Variants in PDSS2 observed in about 807,000 individuals in gnomAD.
The protein encoded by PDSS2 is decaprenyl diphosphate synthase subunit 2.
Under a neutral mutation model 44.5 loss-of-function variants are expected in PDSS2, and 31 were observed. The observed-to-expected ratio is 0.70, with a 90% confidence interval of 0.52 to 0.94. The LOEUF (loss-of-function observed/expected upper bound fraction) is 0.94. Among genes scored for constraint, PDSS2 ranks in the 40% least tolerant of loss-of-function variants. The pLI is 0.00. For missense variants in PDSS2, 452 were observed against 482.2 expected (o/e 0.94, Z 0.59); for synonymous variants, 157 against 180.3 (o/e 0.87, Z 1.03).
chr6:107,265,207 G>T (rs1387273124), intron 3 of PDSS2, among the ~76,000 whole-genome samples: 1 of 152,098 alleles, frequency 6.6e-6, no homozygotes, highest in Non-Finnish European at 1.5e-5. Flanking sequence ...AAAAGCCAAA[G>T]GGAAAATAAT....
chr6:107,458,963 T>C (rs1160801081), intron 1 of PDSS2, 27 bp downstream of exon 1: 2 of 1,605,686 alleles, frequency 1.2e-6, no homozygotes, highest in African/African-American at 2.7e-5. Context: ...TGAGTGCGAG[T>C]GTGTCAGCGG....
chr6:107,386,905 T>C (rs756814274), intron 1 of PDSS2, among the ~76,000 whole-genome samples: 1 of 152,078 alleles, frequency 6.6e-6, no homozygotes, highest in Non-Finnish European at 1.5e-5. Flanking sequence ...ACCACAGAAG[T>C]CCAAAGCTAG....
intron 7 of PDSS2, among the ~76,000 whole-genome samples, chr6:107,174,601 C>T (rs1174020865): frequency 1.3e-5 from 2 of 152,134 alleles, no homozygotes; most frequent in Non-Finnish European, 2.9e-5. Context: ...AAAGGAAAAG[C>T]TACAGTTTTC....
chr6:107,283,581 G>A (rs1456077113), intron 2 of PDSS2, among the ~76,000 whole-genome samples: 2 of 151,642 alleles, frequency 1.3e-5, no homozygotes, highest in Non-Finnish European at 2.9e-5. Flanking sequence ...TTAGCTGGGC[G>A]TGGTGTTGCA....
At chr6:107,375,002 A>G (rs779033434) in intron 1 of PDSS2, among the ~76,000 whole-genome samples, 3 of 152,112 alleles carry the variant, frequency 2.0e-5, no homozygotes, top group Non-Finnish European at 4.4e-5. Context: ...CACATAATCC[A>G]TGGGACAAAG....
At chr6:107,371,454 A>T (rs1779126704) in intron 1 of PDSS2, among the ~76,000 whole-genome samples, 2 of 152,324 alleles carry the variant, frequency 1.3e-5, no homozygotes, top group Non-Finnish European at 2.9e-5. Context: ...GACAGTCTCA[A>T]GTGGCAACTT....
intron 4 of PDSS2, among the ~76,000 whole-genome samples, chr6:107,222,553 G>T (rs1249223542): frequency 2.6e-5 from 4 of 151,644 alleles, no homozygotes; most frequent in Non-Finnish European, 5.9e-5. Flanking sequence ...TACTCAGGAG[G>T]CTGAGGCAGG....
intron 1 of PDSS2, among the ~76,000 whole-genome samples, chr6:107,454,298 T>G (rs1266343089): frequency 6.6e-6 from 1 of 152,134 alleles, no homozygotes; most frequent in Non-Finnish European, 1.5e-5. Context: ...TCTGCCTACC[T>G]TGGCCTCCCA....
At chr6:107,291,360 T>C (rs921347922) in intron 2 of PDSS2, among the ~76,000 whole-genome samples, 2 of 151,012 alleles carry the variant, frequency 1.3e-5, no homozygotes, top group Non-Finnish European at 2.9e-5. Context: ...TTTTTTTTTT[T>C]TTTTTGAGAC....
chr6:107,315,391 T>C (rs1198510237), intron 2 of PDSS2, among the ~76,000 whole-genome samples: 2 of 152,194 alleles, frequency 1.3e-5, no homozygotes, highest in Non-Finnish European at 2.9e-5. Flanking sequence ...TTTGAAGAGA[T>C]TTCTAAAGTC....
At chr6:107,291,381 T>A (rs934113307) in intron 2 of PDSS2, among the ~76,000 whole-genome samples, 1 of 151,046 alleles carries the variant, frequency 6.6e-6, no homozygotes, top group Non-Finnish European at 1.5e-5. Flanking sequence ...AGGGTCTCAC[T>A]CTATCACCCA....
chr6:107,174,697 T>C (rs1054779984), intron 7 of PDSS2, among the ~76,000 whole-genome samples: 8 of 152,074 alleles, frequency 5.3e-5, no homozygotes, highest in Admixed American at 3.3e-4. Context: ...CAAGAGTCTA[T>C]AGGAAAAAAA....
At chr6:107,161,944 T>C (rs1196274659) in intron 7 of PDSS2, among the ~76,000 whole-genome samples, 1 of 152,200 alleles carries the variant, frequency 6.6e-6, no homozygotes, top group African/African-American at 2.4e-5. Flanking sequence ...ATTAGTTCTC[T>C]TGGGGGACAA....
In PDSS2 at chr6:107,284,779, G is replaced by A. The variant is rs938574238; in HGVS notation, c.432-10552C>T. Among the ~76,000 whole-genome samples the A allele has an allele frequency of 4.6e-5, 7 of 151,748 alleles. No homozygotes were observed. In the East Asian group the frequency reaches 7.7e-4, roughly 17 times the overall value. On this transcript the variant is annotated intron_variant, in intron 2 of 7. Coordinates refer to ENST00000369037, the MANE Select transcript of PDSS2 (RefSeq NM_020381.4). ...ATGTCACTTCATCTGAATATTCTTCGAAAACACTATTTTAAAAAGTGCCTA... is the reference window on the plus strand; with the variant it reads ...ATGTCACTTCATCTGAATATTCTTCAAAAACACTATTTTAAAAAGTGCCTA...
At chr6:107,190,222 TA>T (rs1183553280) in intron 7 of PDSS2, among the ~76,000 whole-genome samples, 2 of 152,216 alleles carry the variant, frequency 1.3e-5, no homozygotes, top group African/African-American at 4.8e-5. Context: ...ACTAGTTTAC[TA>T]CAACCTTCCT....
intron 4 of PDSS2, among the ~76,000 whole-genome samples, chr6:107,220,589 A>T (rs920838590): frequency 8.4e-6 from 1 of 119,256 alleles, no homozygotes; most frequent in Non-Finnish European, 1.9e-5. Context: ...GATCTCTAAA[A>T]TCAAAGATTC....
chr6:107,349,550 A>G (rs1582975147), intron 1 of PDSS2, among the ~76,000 whole-genome samples: 1 of 152,072 alleles, frequency 6.6e-6, no homozygotes, highest in East Asian at 1.9e-4. Context: ...GGAGTTCGAG[A>G]TCAGCCTGGC....
rs140407097 is a variant in PDSS2 at position 107,458,355 on chromosome 6, G to A, written c.296+635C>T. Among the ~76,000 whole-genome samples the A allele has an allele frequency of 9.4e-3, 1,308 of 139,494 alleles. 49 individuals carry two copies. In the East Asian group the frequency reaches 0.12, roughly 13 times the overall value. The allele number at this position is 139,494 out of a possible 152,430, so 91.5% of individuals were successfully genotyped here. On this transcript the variant is annotated intron_variant, in intron 1 of 7. Coordinates refer to ENST00000369037, the MANE Select transcript of PDSS2 (RefSeq NM_020381.4). ...AAAAACAAAATTAGCCGGACGTGGT[G>A]GCGGGCACCTGTAGTCCCAGCTACT... is the stretch of plus-strand genomic sequence containing the variant.
intron 1 of PDSS2, among the ~76,000 whole-genome samples, chr6:107,411,011 ACTAT>A (rs1283179294): frequency 6.6e-6 from 1 of 151,782 alleles, no homozygotes; most frequent in African/African-American, 2.4e-5. Flanking sequence ...CAGCCTCCCA[ACTAT>A]CTGAGATTAC....
Sources: gnomAD v4.1 joint callset for allele counts (sites outside exome capture counted in the v4.1 genomes callset) on GRCh38, gnomAD v4.1.1 for gene constraint, MANE v1.5 for transcripts, NCBI Gene and HGNC (gene_info 2026-07-23, HGNC 2026-07-21) for gene names.